The following STXBP4 variants were observed in gnomAD, a reference collection of about 807,000 sequenced individuals.
STXBP4 encodes the protein syntaxin-binding protein 4.
A neutral mutation model predicts 76.1 loss-of-function variants in STXBP4; 55 were observed. That is an observed-to-expected ratio of 0.72 (90% CI 0.58 to 0.91). The LOEUF (loss-of-function observed/expected upper bound fraction) is 0.91, where lower values mean the gene tolerates loss of function less well. Ranked by LOEUF, STXBP4 falls within the 40% of genes least tolerant of loss-of-function variation. The probability of loss-of-function intolerance (pLI) is 0.00; values close to 1 mark genes in which losing one functional copy is unlikely to be tolerated. For missense variants in STXBP4, 618 were observed against 636.9 expected, an observed-to-expected ratio of 0.97 and a Z score of 0.32; for synonymous variants, 201 against 220.2, an observed-to-expected ratio of 0.91 and a Z score of 0.77.
intron 17 of STXBP4, among the ~76,000 whole-genome samples, chr17:55,158,505 CG>C (rs2145192737): frequency 6.6e-6 from 1 of 152,204 alleles, no homozygotes; most frequent in East Asian, 1.9e-4. Flanking sequence ...TGTCCTAATT[CG>C]TGCACTCCAG....
rs779246143 is a variant in STXBP4 at position 55,106,284 on chromosome 17, C to CT, written c.1489+25114dup. On this transcript the variant is annotated intron_variant, in intron 16 of 17. Coordinates refer to ENST00000376352, the MANE Select transcript of STXBP4 (RefSeq NM_178509.6). ...TCAGAGACTAGGATTGCAACCCCTG[C>CT]TTTTTTTTTTTTTACTTTCCATTTG... is the stretch of plus-strand genomic sequence containing the variant. Among the ~76,000 whole-genome samples, 438 of 143,008 alleles carry CT rather than the reference C, an allele frequency of 3.1e-3. 2 individuals are homozygous for CT. The highest frequency in any genetic ancestry group is 0.011 in the Middle Eastern group (3 of 274). 93.8% of individuals were successfully genotyped at this position (143,008 alleles called of 152,430 possible).
chr17:55,159,159 T>G (rs2080312231), intron 17 of STXBP4, among the ~76,000 whole-genome samples: 1 of 152,096 alleles, frequency 6.6e-6, no homozygotes, highest in Non-Finnish European at 1.5e-5. Flanking sequence ...GCACGAGAAT[T>G]CCTTGAACCC....
intron 17 of STXBP4, among the ~76,000 whole-genome samples, chr17:55,148,436 T>C (rs2080180121): frequency 6.6e-6 from 1 of 152,142 alleles, no homozygotes; most frequent in Admixed American, 6.5e-5. Context: ...ATTAGGGAGA[T>C]TGGAAAGGGG....
Position 54,986,184 on chromosome 17 carries a change from T to G in STXBP4, c.-36T>G. 6 of 1,548,410 alleles carry G rather than the reference T, an allele frequency of 3.9e-6. No homozygotes were observed. Among genetic ancestry groups the G allele is most frequent in the Non-Finnish European group, 5.3e-6 (6 of 1,130,460 alleles). The stretch of plus-strand genomic sequence containing the variant: ...GACTCTTCATCAAGATCTTCATTTA[T>G]ACAGCTGTTAAATCCAAGGCTACTT... On this transcript the variant is annotated 5_prime_UTR_variant, in exon 3 of 18. Coordinates refer to ENST00000376352, the MANE Select transcript of STXBP4 (RefSeq NM_178509.6).
chr17:55,079,202 T>A (rs1306983351), intron 15 of STXBP4, among the ~76,000 whole-genome samples: 1 of 152,172 alleles, frequency 6.6e-6, no homozygotes, highest in Non-Finnish European at 1.5e-5. Context: ...GAAATATATT[T>A]GGAGAATATA....
chr17:54,998,376 C>A (rs902656025), intron 4 of STXBP4, among the ~76,000 whole-genome samples: 4 of 152,080 alleles, frequency 2.6e-5, no homozygotes, highest in African/African-American at 9.7e-5. Flanking sequence ...TAGGGAAATA[C>A]CTTAGGAACT....
At chr17:55,119,189 C>T (rs1234902235) in intron 16 of STXBP4, among the ~76,000 whole-genome samples, 2 of 151,852 alleles carry the variant, frequency 1.3e-5, no homozygotes. Flanking sequence ...GAAGCCTCTC[C>T]CTGGTACTAC....
chr17:54,970,145 G>A (rs888047490), intron 1 of STXBP4, among the ~76,000 whole-genome samples: 17 of 152,162 alleles, frequency 1.1e-4, no homozygotes, highest in African/African-American at 4.1e-4. Context: ...ATAGCAGAGT[G>A]GAAAGTGGTA....
intron 1 of STXBP4, among the ~76,000 whole-genome samples, chr17:54,977,336 G>A (rs9915832): frequency 0.28 from 42,675 of 151,990 alleles, 6,248 homozygotes; most frequent in African/African-American, 0.35. Flanking sequence ...TGAACATTAG[G>A]CCTACAATGG....
At chr17:55,094,313 G>T (rs77865222) in intron 16 of STXBP4, among the ~76,000 whole-genome samples, 1 of 151,986 alleles carries the variant, frequency 6.6e-6, no homozygotes, top group Non-Finnish European at 1.5e-5. Context: ...TTTAAGTGTC[G>T]TAGGAAGGCA....
intron 11 of STXBP4, chr17:55,044,500 T>A (rs932581074): frequency 1.3e-4 from 19 of 151,914 alleles, no homozygotes; most frequent in Admixed American, 1.2e-3. Flanking sequence ...CACAGAAAAT[T>A]ATATTTTTTA....
At chr17:55,128,116 G>A (rs1197302225) in intron 16 of STXBP4, among the ~76,000 whole-genome samples, 2 of 152,174 alleles carry the variant, frequency 1.3e-5, no homozygotes, top group African/African-American at 4.8e-5. Context: ...TCAAATATGT[G>A]CAAGATTCAC....
Position 54,990,944 on chromosome 17 carries a change from G to T in STXBP4, c.167G>T (p.Gly56Val). 2.5e-6 allele frequency: 4 copies of T among 1,580,160 alleles called. No homozygotes were observed. The highest frequency in any genetic ancestry group is 2.6e-6 in the Non-Finnish European group (3 of 1,167,658). ...TATATTCAGGAAATTATTCCTGGAG[G>T]AGACTGTTATAAGGTAAAAATATGT... Reference protein sequence around the residue: ...LVYIQEIIPGGDCYKDGRLKP... With the variant: ...LVYIQEIIPGVDCYKDGRLKP... Residue 56 changes from glycine to valine, a missense_variant, in exon 4 of 18, where the codon GGA (glycine) becomes GTA (valine). Physicochemically the swap from Gly to Val is moderately radical, Grantham distance 109. Coordinates refer to ENST00000376352, the MANE Select transcript of STXBP4 (RefSeq NM_178509.6).
At chr17:55,069,715 CCA>C in intron 12 of STXBP4, among the ~76,000 whole-genome samples, 3 of 152,276 alleles carry the variant, frequency 2.0e-5, no homozygotes, top group Admixed American at 2.0e-4. Flanking sequence ...GCATCTTTTA[CCA>C]CCCAACTACA....
chr17:55,151,842 A>C (rs1005979315), intron 17 of STXBP4, among the ~76,000 whole-genome samples: 1 of 152,128 alleles, frequency 6.6e-6, no homozygotes, highest in African/African-American at 2.4e-5. Flanking sequence ...TTGACATATA[A>C]CTCCAGCTGT....
At chr17:54,969,306 C>A (rs7208403) in intron 1 of STXBP4, among the ~76,000 whole-genome samples, 55,062 of 152,102 alleles carry the variant, frequency 0.36, 10,885 homozygotes, top group East Asian at 0.6. Flanking sequence ...AAGAAACGAA[C>A]CCCGTGGGAG....
chr17:55,201,938 G>A, the STXBP4 span, among the ~76,000 whole-genome samples: 3 of 152,200 alleles, frequency 2.0e-5, no homozygotes, highest in East Asian at 3.8e-4. Flanking sequence ...AGGGTGATTA[G>A]CATAAACAGT....
intron 12 of STXBP4, among the ~76,000 whole-genome samples, chr17:55,065,103 A>G (rs968668802): frequency 3.9e-5 from 6 of 152,070 alleles, no homozygotes; most frequent in Admixed American, 1.3e-4. Context: ...TGGTCTTTCT[A>G]GTTGCTTTTT....
chr17:55,017,927 G>T (rs1018179811), intron 8 of STXBP4, among the ~76,000 whole-genome samples: 1 of 152,136 alleles, frequency 6.6e-6, no homozygotes, highest in Non-Finnish European at 1.5e-5. Flanking sequence ...GGAAAGATAG[G>T]ACAGAATAGC....
Sources: gnomAD v4.1 joint callset for allele counts (sites outside exome capture counted in the v4.1 genomes callset) on GRCh38, gnomAD v4.1.1 for gene constraint, MANE v1.5 for transcripts, NCBI Gene and HGNC (gene_info 2026-07-23, HGNC 2026-07-21) for gene names.